Variants in ZNF804B observed in about 807,000 individuals in gnomAD.
The protein encoded by ZNF804B is zinc finger 804B.
ZNF804B carries 80 observed loss-of-function variants against 101.4 expected under a neutral mutation model. The observed-to-expected ratio is 0.79, with a 90% confidence interval of 0.66 to 0.95. The LOEUF (loss-of-function observed/expected upper bound fraction) is 0.95, where lower values mean the gene tolerates loss of function less well. Among genes scored for constraint, ZNF804B ranks in the 40% least tolerant of loss-of-function variants. ZNF804B has a pLI of 0.00. For missense variants in ZNF804B, 1,673 were observed against 1,561.9 expected (o/e 1.07, Z -1.20); for synonymous variants, 622 against 558.8 (o/e 1.11, Z -1.59).
At chr7:89,019,380 A>C (rs920177052) in intron 1 of ZNF804B, among the ~76,000 whole-genome samples, 1 of 151,966 alleles carries the variant, frequency 6.6e-6, no homozygotes, top group Admixed American at 6.6e-5. Context: ...ACTTTTTGAG[A>C]TGTGTTTTGT....
intron 1 of ZNF804B, among the ~76,000 whole-genome samples, chr7:88,952,150 C>T (rs977522674): frequency 6.6e-6 from 1 of 151,702 alleles, no homozygotes; most frequent in African/African-American, 2.4e-5. Flanking sequence ...TGATGGGTCT[C>T]GTAAAGTCCT....
intron 1 of ZNF804B, among the ~76,000 whole-genome samples, chr7:89,077,973 T>A (rs1789638351): frequency 6.6e-6 from 1 of 152,234 alleles, no homozygotes; most frequent in South Asian, 2.1e-4. Flanking sequence ...AGAACCACTT[T>A]GTATTAAAAT....
intron 1 of ZNF804B, among the ~76,000 whole-genome samples, chr7:88,905,757 T>A (rs927636482): frequency 7.2e-5 from 11 of 152,132 alleles, no homozygotes; most frequent in Non-Finnish European, 1.3e-4. Context: ...CAGATTTTGG[T>A]ATTGGATGCT....
At chr7:89,253,695 C>T (rs935291735) in intron 2 of ZNF804B, among the ~76,000 whole-genome samples, 20 of 151,804 alleles carry the variant, frequency 1.3e-4, no homozygotes, top group East Asian at 3.9e-4. Context: ...AAAAGAAAGA[C>T]GACAGAAACA....
intron 2 of ZNF804B, among the ~76,000 whole-genome samples, chr7:89,326,712 A>G (rs989962502): frequency 2.0e-5 from 3 of 152,074 alleles, no homozygotes; most frequent in South Asian, 2.1e-4. Flanking sequence ...GAAAATATTA[A>G]TTAAAATAAG....
At chr7:89,149,730 T>C (rs1790843074) in intron 1 of ZNF804B, among the ~76,000 whole-genome samples, 1 of 151,884 alleles carries the variant, frequency 6.6e-6, no homozygotes, top group Non-Finnish European at 1.5e-5. Flanking sequence ...ATTTCCCACA[T>C]TCCTGACCCA....
intron 1 of ZNF804B, among the ~76,000 whole-genome samples, chr7:89,206,917 G>C (rs1445103945): frequency 1.3e-5 from 2 of 152,182 alleles, no homozygotes; most frequent in African/African-American, 4.8e-5. Flanking sequence ...GGAGCAAAGT[G>C]CTGCCAGTCT....
intron 2 of ZNF804B, among the ~76,000 whole-genome samples, chr7:89,258,898 G>A (rs998575747): frequency 1.3e-5 from 2 of 152,248 alleles, no homozygotes; most frequent in East Asian, 3.9e-4. Flanking sequence ...GGATGAAATA[G>A]TGAAGGAGGT....
chr7:89,274,475 A>G (rs1208852), intron 2 of ZNF804B, among the ~76,000 whole-genome samples: 36,599 of 149,214 alleles, frequency 0.25, 4,771 homozygotes, highest in Non-Finnish European at 0.27. Context: ...CCATGTCCCT[A>G]CAAAGGACAT....
At chr7:89,286,649 C>A (rs901094024) in intron 2 of ZNF804B, among the ~76,000 whole-genome samples, 1 of 152,144 alleles carries the variant, frequency 6.6e-6, no homozygotes, top group Non-Finnish European at 1.5e-5. Flanking sequence ...TGAATGCTTC[C>A]AAGCTAATGC....
At chr7:88,826,476 T>C (rs1265279036) in intron 1 of ZNF804B, among the ~76,000 whole-genome samples, 2 of 152,108 alleles carry the variant, frequency 1.3e-5, no homozygotes, top group African/African-American at 2.4e-5. Flanking sequence ...GAACAACTAT[T>C]TTAGTGGCTA....
chr7:88,814,538 A>G (rs1326764994), intron 1 of ZNF804B, among the ~76,000 whole-genome samples: 3 of 151,974 alleles, frequency 2.0e-5, no homozygotes, highest in Non-Finnish European at 4.4e-5. Flanking sequence ...ATACTCATAG[A>G]TTATGATGAG....
At chr7:88,789,547 G>A (rs556588859) in intron 1 of ZNF804B, among the ~76,000 whole-genome samples, 3 of 152,152 alleles carry the variant, frequency 2.0e-5, no homozygotes, top group African/African-American at 4.8e-5. Context: ...ATATTTGAAA[G>A]GTACTTTTTG....
chr7:89,163,508 T>C (rs1791098328), intron 1 of ZNF804B, among the ~76,000 whole-genome samples: 1 of 152,138 alleles, frequency 6.6e-6, no homozygotes, highest in African/African-American at 2.4e-5. Flanking sequence ...TTATTATGTG[T>C]TTTATGAAAA....
chr7:89,127,760 A>G (rs1790494920), intron 1 of ZNF804B, among the ~76,000 whole-genome samples: 1 of 151,590 alleles, frequency 6.6e-6, no homozygotes, highest in Non-Finnish European at 1.5e-5. Flanking sequence ...CAAAATAAAC[A>G]TGACGGTATT....
intron 1 of ZNF804B, among the ~76,000 whole-genome samples, chr7:88,809,122 T>G (rs1315721725): frequency 6.6e-6 from 1 of 152,210 alleles, no homozygotes; most frequent in Non-Finnish European, 1.5e-5. Context: ...CTTGGTATTT[T>G]AAGGATTTCT....
intron 1 of ZNF804B, among the ~76,000 whole-genome samples, chr7:89,188,065 T>C (rs1788400698): frequency 6.6e-6 from 1 of 152,054 alleles, no homozygotes; most frequent in Non-Finnish European, 1.5e-5. Context: ...TGCATTTTTT[T>C]TCTTTTTTTT....
chr7:89,058,612 C>T (rs1167892100), intron 1 of ZNF804B, among the ~76,000 whole-genome samples: 1 of 152,036 alleles, frequency 6.6e-6, no homozygotes, highest in African/African-American at 2.4e-5. Flanking sequence ...TCTGGTAGTA[C>T]ATGAAGGGAA....
intron 1 of ZNF804B, among the ~76,000 whole-genome samples, chr7:88,884,384 T>G (rs1792088640): frequency 6.6e-6 from 1 of 151,812 alleles, no homozygotes; most frequent in Non-Finnish European, 1.5e-5. Context: ...TGACTTACAT[T>G]GGTTATCTTT....
Sources: gnomAD v4.1 joint callset for allele counts (sites outside exome capture counted in the v4.1 genomes callset) on GRCh38, gnomAD v4.1.1 for gene constraint, MANE v1.5 for transcripts, NCBI Gene and HGNC (gene_info 2026-07-23, HGNC 2026-07-21) for gene names.